Variants in DOK6 observed in about 807,000 individuals in gnomAD.
DOK6 encodes docking protein 6.
DOK6 carries 22 observed loss-of-function variants against 44.0 expected under a neutral mutation model. The observed-to-expected ratio is 0.50, with a 90% CI of 0.36 to 0.71. DOK6 has a LOEUF of 0.71. Ranked by LOEUF, DOK6 falls within the 30% of genes least tolerant of loss-of-function variation. DOK6 has a pLI of 0.00. For missense variants in DOK6, 340 were observed against 416.4 expected, an observed-to-expected ratio of 0.82 and a Z score of 1.60; for synonymous variants, 166 against 145.5, an observed-to-expected ratio of 1.14 and a Z score of -1.01.
chr18:69,505,642 C>A (rs139772617), intron 1 of DOK6, among the ~76,000 whole-genome samples: 2 of 151,536 alleles, frequency 1.3e-5, no homozygotes, highest in Admixed American at 6.6e-5. Flanking sequence ...GGACTACAGG[C>A]GCCCACCACC....
Position 69,509,538 on chromosome 18 carries a change from C to T in DOK6, c.67-54949C>T, listed in dbSNP as rs571586574. 7.8e-4 allele frequency among the ~76,000 whole-genome samples: 116 copies of T among 147,864 alleles called. 1 individual carries two copies. In the East Asian group the frequency reaches 0.013, roughly 17 times the overall value. ...CTTTAGTCCCAGCTACTCGGGAGGCCGAGGCAGGAGAATGGCGTGAACCCG... is the reference window on the plus strand; with the variant it reads ...CTTTAGTCCCAGCTACTCGGGAGGCTGAGGCAGGAGAATGGCGTGAACCCG... On this transcript the variant is annotated intron_variant, in intron 1 of 7. Transcript: ENST00000382713.
At chr18:69,457,826 T>C (rs1387256626) in intron 1 of DOK6, among the ~76,000 whole-genome samples, 1 of 152,164 alleles carries the variant, frequency 6.6e-6, no homozygotes, top group East Asian at 1.9e-4. Flanking sequence ...CAGCATTTGG[T>C]AGTTCTCCAG....
chr18:69,743,470 C>G (rs1300321320), intron 6 of DOK6, among the ~76,000 whole-genome samples: 1 of 152,150 alleles, frequency 6.6e-6, no homozygotes, highest in Non-Finnish European at 1.5e-5. Flanking sequence ...AGGTTGAGTA[C>G]AGGCTGAAAT....
At chr18:69,800,424 G>A (rs1980870581) in intron 7 of DOK6, among the ~76,000 whole-genome samples, 4 of 151,660 alleles carry the variant, frequency 2.6e-5, no homozygotes, top group Admixed American at 2.6e-4. Flanking sequence ...TTATGCCTCT[G>A]GAAAAGATAT....
At chr18:69,568,070 A>C (rs917782557) in intron 2 of DOK6, among the ~76,000 whole-genome samples, 1 of 152,132 alleles carries the variant, frequency 6.6e-6, no homozygotes, top group Non-Finnish European at 1.5e-5. Context: ...TCCCTTACAG[A>C]GTCAGCAACT....
chr18:69,744,758 CT>C (rs1254676461), intron 6 of DOK6, among the ~76,000 whole-genome samples: 1 of 151,878 alleles, frequency 6.6e-6, no homozygotes, highest in East Asian at 1.9e-4. Context: ...AACCCTGTCT[CT>C]ACTAAAAATA....
intron 3 of DOK6, among the ~76,000 whole-genome samples, chr18:69,666,375 C>T (rs1985657068): frequency 6.6e-6 from 1 of 152,190 alleles, no homozygotes; most frequent in African/African-American, 2.4e-5. Context: ...GCTGACTGAG[C>T]ACCAAGACAG....
At chr18:69,816,426 C>A (rs905084996) in intron 7 of DOK6, among the ~76,000 whole-genome samples, 1 of 152,152 alleles carries the variant, frequency 6.6e-6, no homozygotes, top group African/African-American at 2.4e-5. Flanking sequence ...AGACCACAGT[C>A]CCTATGAGCA....
intron 2 of DOK6, among the ~76,000 whole-genome samples, chr18:69,568,921 C>T (rs1211961499): frequency 6.6e-6 from 1 of 151,642 alleles, no homozygotes; most frequent in Non-Finnish European, 1.5e-5. Context: ...AATCTCAGGG[C>T]TCCCACTGAT....
At chr18:69,679,572 T>TA (rs1282886601) in intron 4 of DOK6, among the ~76,000 whole-genome samples, 2 of 152,342 alleles carry the variant, frequency 1.3e-5, no homozygotes, top group Admixed American at 1.3e-4. Flanking sequence ...TCATGCTGTT[T>TA]AAAATGTATG....
intron 3 of DOK6, among the ~76,000 whole-genome samples, chr18:69,607,663 G>A (rs899381161): frequency 6.6e-6 from 1 of 152,102 alleles, no homozygotes; most frequent in African/African-American, 2.4e-5. Flanking sequence ...TAATATCTAT[G>A]ACTAACCAAA....
chr18:69,700,242 ATGT>A (rs986422781), intron 5 of DOK6, among the ~76,000 whole-genome samples: 3 of 86,710 alleles, frequency 3.5e-5, no homozygotes, highest in Non-Finnish European at 5.3e-5. Context: ...TATGAATTGA[ATGT>A]TGTTGTTAAG....
intron 1 of DOK6, among the ~76,000 whole-genome samples, chr18:69,410,285 C>T (rs117363329): frequency 0.013 from 1,908 of 152,344 alleles, 22 homozygotes; most frequent in Non-Finnish European, 0.019. Context: ...TTGATCCTTC[C>T]GCCTGGGCGT....
chr18:69,618,694 A>T (rs1984369518), intron 3 of DOK6: 1 of 152,200 alleles, frequency 6.6e-6, no homozygotes, highest in Admixed American at 6.5e-5. Flanking sequence ...TACCATAAGA[A>T]GAGTACAACA....
At chr18:69,828,364 AT>A (rs1352907223) in intron 7 of DOK6, among the ~76,000 whole-genome samples, 1 of 151,878 alleles carries the variant, frequency 6.6e-6, no homozygotes, top group Non-Finnish European at 1.5e-5. Context: ...TATAAACTTC[AT>A]AATTATTCAA....
At chr18:69,754,351 C>CAAAAAA (rs34141961) in intron 6 of DOK6, among the ~76,000 whole-genome samples, 1 of 121,480 alleles carries the variant, frequency 8.2e-6, no homozygotes, top group African/African-American at 3.2e-5. Context: ...ACCCTATCTC[C>CAAAAAA]AAAAAAAAAA....
intron 6 of DOK6, among the ~76,000 whole-genome samples, chr18:69,748,833 C>T (rs1979073843): frequency 6.6e-6 from 1 of 152,128 alleles, no homozygotes; most frequent in African/African-American, 2.4e-5. Context: ...AGAAATCATT[C>T]TATTACAAAG....
chr18:69,717,873 T>C (rs1037684255), intron 5 of DOK6, among the ~76,000 whole-genome samples: 1 of 152,202 alleles, frequency 6.6e-6, no homozygotes, highest in South Asian at 2.1e-4. Flanking sequence ...TTACTATCTC[T>C]AGGACTTGAC....
intron 4 of DOK6, among the ~76,000 whole-genome samples, chr18:69,686,222 C>T (rs1986150521): frequency 6.6e-6 from 1 of 152,100 alleles, no homozygotes; most frequent in South Asian, 2.1e-4. Context: ...TTCCAGCCTC[C>T]AGAACAGGGA....
Sources: gnomAD v4.1 joint callset for allele counts (sites outside exome capture counted in the v4.1 genomes callset) on GRCh38, gnomAD v4.1.1 for gene constraint, MANE v1.5 for transcripts, NCBI Gene and HGNC (gene_info 2026-07-23, HGNC 2026-07-21) for gene names.